CALD1: variants seen among roughly 807,000 people sequenced by gnomAD.
The protein encoded by CALD1 is caldesmon.
In CALD1, 33 loss-of-function variants were observed where a neutral mutation model predicts 99.9. The ratio of observed to expected loss-of-function variants is 0.33; its 90% confidence interval spans 0.25 to 0.44. The LOEUF (loss-of-function observed/expected upper bound fraction) is 0.44, where lower values mean the gene tolerates loss of function less well. CALD1 is among the 20% of genes least tolerant of loss of function. The pLI, the probability that CALD1 is intolerant of heterozygous loss-of-function variation, is 1.00. For missense variants in CALD1, 861 were observed against 962.1 expected (o/e 0.89, Z 1.39); for synonymous variants, 310 against 325.0 (o/e 0.95, Z 0.50).
At chr7:134,823,492 C>A (rs368984154) in intron 1 of CALD1, among the ~76,000 whole-genome samples, 65 of 152,264 alleles carry the variant, frequency 4.3e-4, no homozygotes, top group East Asian at 4.1e-3. Context: ...TTTGTGTGTT[C>A]TTTTCCCCCC....
chr7:134,817,806 T>G (rs1798617241), intron 1 of CALD1, among the ~76,000 whole-genome samples: 1 of 152,176 alleles, frequency 6.6e-6, no homozygotes, highest in South Asian at 2.1e-4. Flanking sequence ...ATTGAAGACC[T>G]CTTCAAAATT....
intron 1 of CALD1, among the ~76,000 whole-genome samples, chr7:134,826,095 T>C (rs886764726): frequency 6.6e-6 from 1 of 152,186 alleles, no homozygotes; most frequent in African/African-American, 2.4e-5. Context: ...TACTGTTTAC[T>C]TTAAAAATTT....
chr7:134,940,779 C>T (rs1806365521), intron 6 of CALD1, among the ~76,000 whole-genome samples: 1 of 152,170 alleles, frequency 6.6e-6, no homozygotes, highest in Non-Finnish European at 1.5e-5. Flanking sequence ...CAAACAGCTA[C>T]TTTTACATGA....
intron 3 of CALD1, among the ~76,000 whole-genome samples, chr7:134,884,193 A>G (rs550803558): frequency 6.6e-6 from 1 of 152,130 alleles, no homozygotes; most frequent in African/African-American, 2.4e-5. Flanking sequence ...ATCTAGGAAT[A>G]TCCAAATGAG....
intron 3 of CALD1, among the ~76,000 whole-genome samples, chr7:134,874,136 C>T (rs1329196950): frequency 4.0e-5 from 6 of 151,686 alleles, no homozygotes; most frequent in East Asian, 1.9e-4. Context: ...AAAATTTGGC[C>T]GAAAGAATGT....
intron 3 of CALD1, 118 bp from the exon 4 acceptor site, chr7:134,928,636 G>A (rs1563103735): frequency 5.8e-6 from 5 of 864,368 alleles, no homozygotes; most frequent in South Asian, 1.8e-5. Context: ...CCTTTTAGAC[G>A]TATGTGGTTC....
At chr7:134,869,663 T>C (rs1166811085) in intron 3 of CALD1, among the ~76,000 whole-genome samples, 1 of 152,202 alleles carries the variant, frequency 6.6e-6, no homozygotes, top group African/African-American at 2.4e-5. Flanking sequence ...GGAGCAGTGT[T>C]TAATTTCAGG....
intron 3 of CALD1, among the ~76,000 whole-genome samples, chr7:134,898,152 C>A (rs1368671092): frequency 3.3e-5 from 5 of 152,184 alleles, no homozygotes; most frequent in Non-Finnish European, 7.3e-5. Flanking sequence ...TCTGGTCTAA[C>A]TCCTTCAGTA....
chr7:134,784,050 T>G (rs1005777378), intron 1 of CALD1, among the ~76,000 whole-genome samples: 1 of 152,174 alleles, frequency 6.6e-6, no homozygotes, highest in African/African-American at 2.4e-5. Context: ...AGGGAATAGT[T>G]GAAGGAAAAT....
At chr7:134,932,938 G>A (rs757031720) in intron 4 of CALD1, 50 bp from the exon 5 acceptor site, 1 of 1,306,840 alleles carries the variant, frequency 7.7e-7, no homozygotes, top group Admixed American at 2.0e-5. Context: ...GAATGCTGCT[G>A]ACTGATGAAT....
At chr7:134,711,628 T>TTCTCTCTCTCTCTCTCTCTCTCTC in the CALD1 span, among the ~76,000 whole-genome samples, 4 of 64,050 alleles carry the variant, frequency 6.2e-5, no homozygotes, top group African/African-American at 4.2e-4. Flanking sequence ...CAACCTCAGC[T>TTCTCTCTCTCTCTCTCTCTCTCTC]TCTCTCTCTC....
intron 1 of CALD1, among the ~76,000 whole-genome samples, chr7:134,791,054 T>TCTCA (rs374570366): frequency 3.7e-5 from 1 of 26,954 alleles, no homozygotes. Flanking sequence ...CCTTCCCAGG[T>TCTCA]GAGATACTAC....
At chr7:134,729,977 C>T in the CALD1 span, among the ~76,000 whole-genome samples, 2 of 152,054 alleles carry the variant, frequency 1.3e-5, no homozygotes, top group South Asian at 2.1e-4. Flanking sequence ...CCCCAGAGTG[C>T]GGTCCCTGAA....
the CALD1 span, among the ~76,000 whole-genome samples, chr7:134,731,666 T>TC: frequency 9.9e-5 from 15 of 151,880 alleles, no homozygotes; most frequent in African/African-American, 3.6e-4. Context: ...CCTTTTTTTT[T>TC]CCAGCTCCAA....
intron 2 of CALD1, among the ~76,000 whole-genome samples, chr7:134,851,509 G>A (rs892231188): frequency 3.3e-5 from 5 of 152,158 alleles, no homozygotes; most frequent in Non-Finnish European, 5.9e-5. Flanking sequence ...TGTCAGAGCT[G>A]GCCAAGACTC....
intron 14 of CALD1, among the ~76,000 whole-genome samples, chr7:134,966,626 T>C (rs1808699526): frequency 6.6e-6 from 1 of 152,196 alleles, no homozygotes; most frequent in African/African-American, 2.4e-5. Context: ...ATAAGTAGCA[T>C]AGCCTGCATT....
At chr7:134,781,485 A>G (rs1033394761) in intron 1 of CALD1, among the ~76,000 whole-genome samples, 5 of 152,068 alleles carry the variant, frequency 3.3e-5, no homozygotes, top group Admixed American at 2.0e-4. Flanking sequence ...TGTTATAGGT[A>G]GAGATAGAGT....
intron 1 of CALD1, among the ~76,000 whole-genome samples, chr7:134,802,174 ATGTG>A (rs58896037): frequency 0.58 from 88,196 of 151,344 alleles, 26,253 homozygotes; most frequent in East Asian, 0.91. Context: ...GTCAACATAT[ATGTG>A]TGTGTGTGTA....
chr7:134,958,382 G>A lies in CALD1; in HGVS notation c.2061+92G>A, dbSNP rs953320316. 28 of 941,562 alleles carry A rather than the reference G, an allele frequency of 3.0e-5. No homozygotes were observed. The African/African-American group carries it at 4.5e-4, about 15-fold the overall frequency. The allele number at this position is 941,562 out of a possible 1,614,324, so 58.3% of individuals were successfully genotyped here. A position where few individuals can be genotyped will look rare whatever the true frequency, so the allele number is the denominator to read the frequency against. ...TAAAAACACTTAGGACAATAATCAA[G>A]TCCAATAGCCCCAGGAGTGTTAGAA... On this transcript the variant is annotated intron_variant, in intron 11 of 14. Coordinates refer to ENST00000361675, the MANE Select transcript of CALD1 (RefSeq NM_033138.4).
Sources: allele counts gnomAD v4.1 joint callset (sites outside exome capture counted in the v4.1 genomes callset), GRCh38; gene constraint gnomAD v4.1.1; transcripts MANE v1.5; gene names NCBI Gene and HGNC (gene_info 2026-07-23, HGNC 2026-07-21).